Variants in MAP3K1 observed in about 807,000 individuals in gnomAD.
MAP3K1 encodes the protein mitogen-activated protein kinase kinase kinase 1.
A neutral mutation model predicts 144.2 loss-of-function variants in MAP3K1; 36 were observed. The observed-to-expected ratio is 0.25, with a 90% CI of 0.19 to 0.33. The LOEUF is 0.33. MAP3K1 is among the 10% of genes least tolerant of loss of function. The probability of loss-of-function intolerance (pLI) is 1.00; values close to 1 mark genes in which losing one functional copy is unlikely to be tolerated. For missense variants in MAP3K1, 1,650 were observed against 1,881.9 expected (o/e 0.88, Z 2.28); for synonymous variants, 718 against 688.7 (o/e 1.04, Z -0.67).
At chr5:56,834,206 C>T (rs1284006890) in intron 1 of MAP3K1, among the ~76,000 whole-genome samples, 1 of 152,162 alleles carries the variant, frequency 6.6e-6, no homozygotes, top group Admixed American at 6.5e-5. Flanking sequence ...AACACTGTCA[C>T]TTTAGCTCAG....
chr5:56,825,511 G>T (rs550665074), intron 1 of MAP3K1, among the ~76,000 whole-genome samples: 5 of 152,194 alleles, frequency 3.3e-5, no homozygotes, highest in Non-Finnish European at 7.3e-5. Flanking sequence ...AGTTCCTCCA[G>T]GAGGGACCCC....
intron 1 of MAP3K1, among the ~76,000 whole-genome samples, chr5:56,821,302 G>A (rs1274943407): frequency 1.3e-5 from 2 of 152,166 alleles, no homozygotes; most frequent in African/African-American, 2.4e-5. Context: ...AGCATACTAA[G>A]GGGAATTGTT....
chr5:56,820,651 G>A (rs1167147046), intron 1 of MAP3K1: 1 of 985,076 alleles, frequency 1.0e-6, no homozygotes, highest in East Asian at 1.1e-4. Context: ...AAATTAATAT[G>A]GTTCATTCAT....
intron 1 of MAP3K1, among the ~76,000 whole-genome samples, chr5:56,854,864 C>T (rs932811858): frequency 6.6e-6 from 1 of 152,180 alleles, no homozygotes; most frequent in Non-Finnish European, 1.5e-5. Flanking sequence ...ACTGCAGTTC[C>T]ACTGTGAGGC....
chr5:56,862,787 T>C (rs1256195671), intron 3 of MAP3K1, among the ~76,000 whole-genome samples: 1 of 59,684 alleles, frequency 1.7e-5, no homozygotes, highest in Non-Finnish European at 4.5e-5. Context: ...TTTTTACTTT[T>C]TAGTAACTGC....
Position 56,815,725 on chromosome 5 carries a change from G to A in MAP3K1, c.152G>A (p.Gly51Asp), listed in dbSNP as rs1018559368. The A allele has an allele frequency of 5.2e-6, 7 of 1,337,700 alleles. No individual in the cohort carries two copies. In the East Asian group the frequency reaches 1.9e-4, roughly 36 times the overall value. The allele number at this position is 1,337,700 out of a possible 1,614,324, so 82.9% of individuals were successfully genotyped here. A position where few individuals can be genotyped will look rare whatever the true frequency, so the allele number is the denominator to read the frequency against. Reference sequence around the variant, plus strand: ...CTGCTGCGGGAGGCGGGCAGCGGGGGCCGCGAGCGGGCGGACTGGCGGCGG... The same window carrying A: ...CTGCTGCGGGAGGCGGGCAGCGGGGACCGCGAGCGGGCGGACTGGCGGCGG... The part of the protein sequence containing the change: ...AGLLREAGSG[G>D]RERADWRRRQ... Residue 51 changes from glycine (G) to aspartate (D), a missense_variant, in exon 1 of 20, where the codon GGC (glycine) becomes GAC (aspartate). Gly to Asp is a moderately conservative substitution (Grantham distance 94). This residue lies in a region of MAP3K1 where 360 missense variants were observed against 274.7 expected (regional missense o/e 1.31). Transcript: ENST00000399503.
chr5:56,872,171 GAA>G, intron 7 of MAP3K1, 140 bp downstream of exon 7: 2 of 1,118,706 alleles, frequency 1.8e-6, no homozygotes, highest in Non-Finnish European at 2.6e-6. Flanking sequence ...AGTCCTATGT[GAA>G]AAGTTTTCAA....
intron 17 of MAP3K1, among the ~76,000 whole-genome samples, chr5:56,886,600 G>C (rs1455718450): frequency 6.6e-6 from 1 of 152,184 alleles, no homozygotes; most frequent in East Asian, 1.9e-4. Context: ...ATGGCAGAAA[G>C]TATACAACAC....
Position 56,859,769 on chromosome 5 carries a change from G to A in MAP3K1, c.688G>A (p.Ala230Thr). 1 of 1,614,040 alleles carries A rather than the reference G, an allele frequency of 6.2e-7. No individual in the cohort carries two copies. Among genetic ancestry groups the A allele is most frequent in the Non-Finnish European group, 8.5e-7 (1 of 1,179,998 alleles). Residue 230 changes from alanine to threonine, a missense_variant, in exon 3 of 20, where the codon GCT becomes ACT. By Grantham distance (58) the Ala-to-Thr change is moderately conservative (BLOSUM62 0). This residue lies in a region of MAP3K1 where 148 missense variants were observed against 177.2 expected (regional missense o/e 0.84). Transcript: ENST00000399503. Reference protein sequence around the residue: ...GDGSEMNHLAAESPGEVQASA... With the variant: ...GDGSEMNHLATESPGEVQASA... ...TGGATCTGAAATGAATCACTTAGCA[G>A]CTGAGTCTCCAGGAGAGGTCCAGGC...
Position 56,881,764 on chromosome 5 carries a change from G to A in MAP3K1, c.2564G>A (p.Arg855His), listed in dbSNP as rs375893442. The change falls in exon 14 of 20, where the codon CGT (arginine) becomes CAT (histidine). Residue 855 changes from arginine to histidine, a missense_variant. Physicochemically the swap from Arg to His is conservative, Grantham distance 29. Transcript: ENST00000399503. The part of the protein sequence containing the change: ...SSTHFTRMRR[R>H]LMAIADEVEI... The stretch of plus-strand genomic sequence containing the variant: ...ACTCACTTCACCAGGATGCGTCGCC[G>A]TTTGATGGCTATTGCAGATGAGGTG... 1.4e-5 allele frequency: 22 copies of A among 1,613,968 alleles called. No homozygotes were observed. Among genetic ancestry groups the A allele is most frequent in the East Asian group, 4.5e-5 (2 of 44,894 alleles).
At chr5:56,827,230 C>T (rs977545745) in intron 1 of MAP3K1, among the ~76,000 whole-genome samples, 1 of 152,178 alleles carries the variant, frequency 6.6e-6, no homozygotes, top group South Asian at 2.1e-4. Context: ...GAGAGAGCCA[C>T]GCAGAGCTCT....
chr5:56,893,837 C>A lies in MAP3K1; in HGVS notation c.*157C>A. ...TTACCTAAGTATGTGATTGACAAAT[C>A]ATGATCTGTACCTAAGCTCAGTATG... On this transcript the variant is annotated 3_prime_UTR_variant, in exon 20 of 20. Transcript: ENST00000399503. 1.3e-6 allele frequency: 1 copy of A among 778,738 alleles called. No homozygotes were observed. The highest frequency in any genetic ancestry group is 2.2e-6 in the Non-Finnish European group (1 of 464,286). The allele number at this position is 778,738 out of a possible 1,614,324, so 48.2% of individuals were successfully genotyped here.
intron 1 of MAP3K1, among the ~76,000 whole-genome samples, chr5:56,837,362 T>C (rs1746685961): frequency 6.6e-6 from 1 of 152,166 alleles, no homozygotes; most frequent in African/African-American, 2.4e-5. Context: ...TCTAGACTCA[T>C]GGTTCTTAGC....
At chr5:56,875,704 C>A (rs1034875297) in intron 10 of MAP3K1, among the ~76,000 whole-genome samples, 5 of 151,962 alleles carry the variant, frequency 3.3e-5, no homozygotes, top group African/African-American at 1.2e-4. Flanking sequence ...TAAAACAAAA[C>A]AAAACAAAAC....
chr5:56,875,269 G>T lies in MAP3K1; in HGVS notation c.1924G>T (p.Val642Phe), dbSNP rs764990896. 3.1e-6 allele frequency: 5 copies of T among 1,614,008 alleles called. No homozygotes were observed. Among genetic ancestry groups the T allele is most frequent in the Admixed American group, 1.7e-5 (1 of 60,002 alleles). The change falls in exon 10 of 20, where the codon GTC becomes TTC. Residue 642 changes from valine (V) to phenylalanine (F), a missense_variant. Coordinates refer to ENST00000399503, the MANE Select transcript of MAP3K1 (RefSeq NM_005921.2). Reference sequence around the variant, plus strand: ...GGCATGCTGCAGCGTTCTGTCAATGGTCTGTGCTGACCCTGTCTACAAAGT... The same window carrying T: ...GGCATGCTGCAGCGTTCTGTCAATGTTCTGTGCTGACCCTGTCTACAAAGT... The part of the protein sequence containing the change: ...VEACCSVLSM[V>F]CADPVYKVYV...
At chr5:56,849,106 G>A (rs1004817323) in intron 1 of MAP3K1, among the ~76,000 whole-genome samples, 3 of 152,146 alleles carry the variant, frequency 2.0e-5, no homozygotes, top group African/African-American at 4.8e-5. Context: ...TAGCACTTTG[G>A]GAGGCCAGGG....
At chr5:56,819,872 T>C (rs564013805) in intron 1 of MAP3K1, among the ~76,000 whole-genome samples, 1 of 152,306 alleles carries the variant, frequency 6.6e-6, no homozygotes, top group South Asian at 2.1e-4. Context: ...TGGTAGACTA[T>C]TAATGTGAGG....
chr5:56,888,814 T>TA (rs1748460959), intron 19 of MAP3K1, among the ~76,000 whole-genome samples: 1 of 152,154 alleles, frequency 6.6e-6, no homozygotes. Context: ...ATTTTCAACT[T>TA]AAAAAAATAT....
chr5:56,858,893 A>G (rs1182433061), intron 2 of MAP3K1, among the ~76,000 whole-genome samples: 1 of 151,914 alleles, frequency 6.6e-6, no homozygotes, highest in Admixed American at 6.6e-5. Context: ...ATAGGAGGAG[A>G]GTGAGTGAAA....
Sources: gnomAD v4.1 joint callset for allele counts (sites outside exome capture counted in the v4.1 genomes callset) on GRCh38, gnomAD v4.1.1 for gene constraint, gnomAD v4.1.1 regional missense constraint, MANE v1.5 for transcripts, NCBI Gene and HGNC (gene_info 2026-07-23, HGNC 2026-07-21) for gene names.